APP: variants seen among roughly 807,000 people sequenced by gnomAD.
APP encodes amyloid beta precursor protein, also known as amyloid-beta precursor protein.
APP carries 31 observed loss-of-function variants against 101.4 expected under a neutral mutation model. That is an observed-to-expected ratio of 0.31 (90% confidence interval 0.23 to 0.41). The LOEUF is 0.41. Ranked by LOEUF, APP falls within the 10% of genes least tolerant of loss-of-function variation. The pLI, the probability that APP is intolerant of heterozygous loss-of-function variation, is 1.00. For missense variants in APP, 839 were observed against 1,003.7 expected, an observed-to-expected ratio of 0.84 and a Z score of 2.22; for synonymous variants, 366 against 364.4, an observed-to-expected ratio of 1.00 and a Z score of -0.05.
chr21:26,082,608 C>T (rs923001583), intron 3 of APP, among the ~76,000 whole-genome samples: 1 of 152,166 alleles, frequency 6.6e-6, no homozygotes, highest in African/African-American at 2.4e-5. Flanking sequence ...TGAACTAGTT[C>T]CTACCTTAAA....
intron 2 of APP, among the ~76,000 whole-genome samples, chr21:26,097,334 C>G (rs1174692967): frequency 1.3e-5 from 2 of 152,134 alleles, no homozygotes; most frequent in African/African-American, 4.8e-5. Flanking sequence ...GGTGTTCCCT[C>G]AACAGTGGCA....
chr21:26,149,106 G>T (rs1403643952), intron 1 of APP, among the ~76,000 whole-genome samples: 1 of 152,212 alleles, frequency 6.6e-6, no homozygotes, highest in Non-Finnish European at 1.5e-5. Context: ...GCCAGGAACT[G>T]AGGGCCTTAC....
intron 3 of APP, among the ~76,000 whole-genome samples, chr21:26,067,147 G>T (rs1414615854): frequency 6.6e-6 from 1 of 152,088 alleles, no homozygotes; most frequent in African/African-American, 2.4e-5. Context: ...ACATAAAAAG[G>T]TAAAAAGAAA....
At chr21:26,123,640 C>T (rs975678053) in intron 1 of APP, among the ~76,000 whole-genome samples, 1 of 152,124 alleles carries the variant, frequency 6.6e-6, no homozygotes, top group Non-Finnish European at 1.5e-5. Context: ...CTATCAGGAA[C>T]CACAATACTA....
In APP at chr21:25,950,333, G is replaced by A. The variant is rs183659134; in HGVS notation, c.1687+4257C>T. Among the ~76,000 whole-genome samples the A allele has an allele frequency of 1.5e-4, 23 of 151,654 alleles. No individual in the cohort carries two copies. The East Asian group carries it at 4.1e-3, about 27-fold the overall frequency. On this transcript the variant is annotated intron_variant, in intron 13 of 17. Coordinates refer to ENST00000346798, the MANE Select transcript of APP (RefSeq NM_000484.4). ...TGGGCATTTTACTTGAATCTTGAAA[G>A]GTGCAACTTTTCAAGCAAGGAAAAA... is the stretch of plus-strand genomic sequence containing the variant.
Position 25,989,434 on chromosome 21 carries a change from TC to T in APP, c.1091-6958del, listed in dbSNP as rs561312309. 3.0e-4 allele frequency among the ~76,000 whole-genome samples: 46 copies of T among 152,322 alleles called. No individual in the cohort carries two copies. In the South Asian group the frequency reaches 5.4e-3, roughly 18 times the overall value. On this transcript the variant is annotated intron_variant, in intron 8 of 17. Transcript: ENST00000346798. ...CCTATCATTTTGATATGCATTTGTT[TC>T]CTCAGGCTCTGGGGTGACCCATAAT... is the stretch of plus-strand genomic sequence containing the variant.
At chr21:25,933,514 T>A (rs1216850747) in intron 13 of APP, among the ~76,000 whole-genome samples, 1 of 152,242 alleles carries the variant, frequency 6.6e-6, no homozygotes, top group Non-Finnish European at 1.5e-5. Flanking sequence ...TAGGTCTTGC[T>A]TCTTCTATCA....
Position 25,920,018 on chromosome 21 carries a change from C to G in APP, c.1688-8056G>C, listed in dbSNP as rs1368939296. Among the ~76,000 whole-genome samples, 32 of 115,460 alleles carry G rather than the reference C, an allele frequency of 2.8e-4. No individual in the cohort carries two copies. In the South Asian group the frequency reaches 0.01, roughly 37 times the overall value. 75.7% of individuals were successfully genotyped at this position (115,460 alleles called of 152,430 possible). ...CTCAAAGGGAAGCCCATCAGACTAA[C>G]AGCGGATCTCTCGGCAGAAACCCTA... On this transcript the variant is annotated intron_variant, in intron 13 of 17. Transcript: ENST00000346798.
At chr21:25,997,106 TAA>T in intron 8 of APP, 1 of 536,972 alleles carries the variant, frequency 1.9e-6, no homozygotes, top group Non-Finnish European at 3.3e-6. Context: ...TAATATTCAA[TAA>T]AACCAGACTA....
chr21:25,983,034 A>T lies in APP; in HGVS notation c.1091-557T>A, dbSNP rs45520033. Among the ~76,000 whole-genome samples, 132 of 152,342 alleles carry T rather than the reference A, an allele frequency of 8.7e-4. No individual in the cohort carries two copies. In the East Asian group the frequency reaches 0.018, roughly 20 times the overall value. On this transcript the variant is annotated intron_variant, in intron 8 of 17. Coordinates refer to ENST00000346798, the MANE Select transcript of APP (RefSeq NM_000484.4). ...ACAAAAGATATATAAACATCAATAA[A>T]CACATTTTTGAATCACAAAAGGACT...
intron 1 of APP, among the ~76,000 whole-genome samples, chr21:26,142,180 G>A (rs1302372640): frequency 6.6e-6 from 1 of 152,174 alleles, no homozygotes; most frequent in African/African-American, 2.4e-5. Context: ...AAGAGGCTTG[G>A]TAAATATCCA....
intron 2 of APP, among the ~76,000 whole-genome samples, chr21:26,091,574 C>T (rs2061826947): frequency 6.6e-6 from 1 of 152,124 alleles, no homozygotes; most frequent in Non-Finnish European, 1.5e-5. Flanking sequence ...AAATGAGCAG[C>T]TACACCTGAT....
intron 17 of APP, among the ~76,000 whole-genome samples, chr21:25,885,420 C>T (rs1238490784): frequency 2.6e-5 from 4 of 152,224 alleles, no homozygotes; most frequent in Non-Finnish European, 5.9e-5. Flanking sequence ...GGTTTGAGCC[C>T]ATGGTGCTTG....
chr21:26,094,793 T>C (rs2061904151), intron 2 of APP, among the ~76,000 whole-genome samples: 1 of 151,610 alleles, frequency 6.6e-6, no homozygotes, highest in Admixed American at 6.6e-5. Flanking sequence ...AGTCCAAAAA[T>C]ATTAAATAGA....
chr21:26,113,954 C>T (rs760107882), intron 1 of APP, among the ~76,000 whole-genome samples: 1 of 152,134 alleles, frequency 6.6e-6, no homozygotes, highest in South Asian at 2.1e-4. Context: ...CTATGGAGGG[C>T]CCTGCCCGTA....
intron 1 of APP, among the ~76,000 whole-genome samples, chr21:26,163,101 C>G (rs1428872642): frequency 1.3e-5 from 2 of 149,442 alleles, no homozygotes; most frequent in Non-Finnish European, 3.0e-5. Flanking sequence ...ATTAGCCAGG[C>G]GTGGTGGCAC....
In APP at chr21:26,116,297, T is replaced by C. The variant is rs1206219047; in HGVS notation, c.58-4151A>G. On this transcript the variant is annotated intron_variant, in intron 1 of 17. Transcript: ENST00000346798. ...TTTGTTACCAGAAAAAAAATATTTT[T>C]GAGCCACAATATAAAGAATACTGAA... 2.0e-5 allele frequency among the ~76,000 whole-genome samples: 3 copies of C among 152,202 alleles called. No homozygotes were observed. The East Asian group carries it at 5.8e-4, about 29-fold the overall frequency.
intron 6 of APP, among the ~76,000 whole-genome samples, chr21:26,017,695 C>T (rs1369595346): frequency 1.3e-5 from 2 of 152,268 alleles, no homozygotes; most frequent in Middle Eastern, 3.4e-3. Context: ...TATTACAATA[C>T]CCATTTCAAT....
At chr21:25,897,502 G>A in intron 16 of APP, 71 bp downstream of exon 16, 2 of 1,134,432 alleles carry the variant, frequency 1.8e-6, no homozygotes, top group Non-Finnish European at 2.7e-6. Flanking sequence ...TTCTAGCACA[G>A]GATGAACCAG....
Sources: allele counts gnomAD v4.1 joint callset (sites outside exome capture counted in the v4.1 genomes callset), GRCh38; gene constraint gnomAD v4.1.1; transcripts MANE v1.5; gene names NCBI Gene and HGNC (gene_info 2026-07-23, HGNC 2026-07-21).